The following ZNF471 variants were observed in gnomAD, a reference collection of about 807,000 sequenced individuals.
The protein encoded by ZNF471 is EZFIT-related protein 1.
A neutral mutation model predicts 13.7 loss-of-function variants in ZNF471; 7 were observed. That is an observed-to-expected ratio of 0.51 (90% CI 0.29 to 0.96). The LOEUF is 0.96. Ranked by LOEUF, ZNF471 falls within the 40% of genes least tolerant of loss-of-function variation. The pLI is 0.08. For synonymous variants in ZNF471, 218 were observed against 235.6 expected, an observed-to-expected ratio of 0.93 and a Z score of 0.68; for missense variants, 663 against 743.3, an observed-to-expected ratio of 0.89 and a Z score of 1.26.
In ZNF471 at chr19:56,521,126, G is replaced by A. The variant is rs117532965; in HGVS notation, c.256+2549G>A. ...ACAGTATGGGGGAAACTGCCCCCAT[G>A]ATTGAATTATCTCCACCTGGCCCCA... On this transcript the variant is annotated intron_variant, in intron 4 of 4. Coordinates refer to ENST00000308031, the MANE Select transcript of ZNF471 (RefSeq NM_020813.4). Among the ~76,000 whole-genome samples the A allele has an allele frequency of 9.2e-4, 140 of 152,242 alleles. 3 individuals are homozygous for A. The East Asian group carries it at 0.026, about 28-fold the overall frequency.
chr19:56,525,017 C>T lies in ZNF471; in HGVS notation c.950C>T (p.Pro317Leu). Residue 317 changes from proline to leucine, a missense_variant, in exon 5 of 5, where the codon CCC (proline) becomes CTC (leucine). Physicochemically the swap from Pro to Leu is moderately conservative, Grantham distance 98. Coordinates refer to ENST00000308031, the MANE Select transcript of ZNF471 (RefSeq NM_020813.4). ...CAGAGAATTCATACTGGAGAGAAAC[C>T]CTATGAATGTAAAGAATGTGGCAAA... Reference protein sequence around the residue: ...QHQRIHTGEKPYECKECGKAF... With the variant: ...QHQRIHTGEKLYECKECGKAF... 1.2e-6 allele frequency: 2 copies of T among 1,613,984 alleles called. No individual in the cohort carries two copies. The highest frequency in any genetic ancestry group is 1.7e-6 in the Non-Finnish European group (2 of 1,179,962).
chr19:56,518,511 T>C lies in ZNF471; in HGVS notation c.190T>C (p.Ser64Pro). Residue 64 changes from serine to proline, a missense_variant, in exon 4 of 5, where the codon TCC (serine) becomes CCC (proline). Ser to Pro is a moderately conservative substitution (Grantham distance 74). Transcript: ENST00000308031. ...GLCISKPYVI[S>P]LLEQGREPWE... ...TTGCATTTCTAAGCCATATGTGATC[T>C]CCTTATTGGAGCAAGGGAGAGAGCC... The C allele has an allele frequency of 6.2e-7, 1 of 1,613,712 alleles. No homozygotes were observed. Among genetic ancestry groups the C allele is most frequent in the Middle Eastern group, 1.7e-4 (1 of 6,060 alleles).
At position 56,508,047 on chromosome 19, in the gene ZNF471, C is replaced by G; in HGVS notation, c.-56+127C>G. The G allele has an allele frequency of 1.0e-6, 1 of 985,680 alleles. No individual in the cohort carries two copies. Among genetic ancestry groups the G allele is most frequent in the Non-Finnish European group, 1.2e-6 (1 of 830,020 alleles). 61.1% of individuals were successfully genotyped at this position (985,680 alleles called of 1,614,324 possible). ...CTCTGTCCCCAGGACGACTACATTT[C>G]CCAGAGGCCAGCGGGGCGCGCGTAC... On this transcript the variant is annotated intron_variant, in intron 1 of 4. Coordinates refer to ENST00000308031, the MANE Select transcript of ZNF471 (RefSeq NM_020813.4). This position sits in a 1 kb window ranked among gnomAD's most constrained non-coding sequence, Gnocchi z 4.7.
chr19:56,516,660 C>CT lies in ZNF471; in HGVS notation c.160+261dup, dbSNP rs1217926771. 1.3e-5 allele frequency among the ~76,000 whole-genome samples: 2 copies of CT among 152,166 alleles called. No individual in the cohort carries two copies. The highest frequency in any genetic ancestry group is 4.8e-5 in the African/African-American group (2 of 41,446). ...GAATCTCACCAGTCTCCTCAGTTTCCTTGTTCTCTCTCTCCTACAGAATTA... is the reference window on the plus strand; with the variant it reads ...GAATCTCACCAGTCTCCTCAGTTTCCTTTGTTCTCTCTCTCCTACAGAATTA... On this transcript the variant is annotated intron_variant, in intron 3 of 4. Transcript: ENST00000308031. The surrounding 1 kb of genome is among the most constrained non-coding windows in gnomAD (Gnocchi z 4.4).
chr19:56,514,151 T>C (rs1680005277), intron 2 of ZNF471, among the ~76,000 whole-genome samples: 1 of 146,868 alleles, frequency 6.8e-6, no homozygotes, highest in African/African-American at 2.5e-5. Context: ...ATAACCTGCC[T>C]CTCCAGTTCA....
intron 4 of ZNF471, among the ~76,000 whole-genome samples, chr19:56,520,050 A>G (rs2043948728): frequency 6.6e-6 from 1 of 152,148 alleles, no homozygotes; most frequent in African/African-American, 2.4e-5. Flanking sequence ...TCCACTGTGG[A>G]TAAGGAGGGA....
Position 56,511,567 on chromosome 19 carries a change from C to T in ZNF471, c.-5C>T. On this transcript the variant is annotated 5_prime_UTR_variant, in exon 2 of 5. Coordinates refer to ENST00000308031, the MANE Select transcript of ZNF471 (RefSeq NM_020813.4). Reference sequence around the variant, plus strand: ...TCAAGAGAAAGACCAGAAGAGAAGGCAAAAATGAATGTTGAAGTAGTAAAA... The same window carrying T: ...TCAAGAGAAAGACCAGAAGAGAAGGTAAAAATGAATGTTGAAGTAGTAAAA... 3 of 1,613,964 alleles carry T rather than the reference C, an allele frequency of 1.9e-6. No homozygotes were observed. Among genetic ancestry groups the T allele is most frequent in the Non-Finnish European group, 2.5e-6 (3 of 1,179,924 alleles).
At position 56,518,704 on chromosome 19, in the gene ZNF471, C is replaced by T. The variant is rs2043927847; in HGVS notation, c.256+127C>T. The T allele has an allele frequency of 7.3e-6, 5 of 685,472 alleles. No individual in the cohort carries two copies. The Admixed American group carries it at 1.2e-4, about 17-fold the overall frequency. The allele number at this position is 685,472 out of a possible 1,614,324, so 42.5% of individuals were successfully genotyped here. A position where few individuals can be genotyped will look rare whatever the true frequency, so the allele number is the denominator to read the frequency against. On this transcript the variant is annotated intron_variant, in intron 4 of 4. Coordinates refer to ENST00000308031, the MANE Select transcript of ZNF471 (RefSeq NM_020813.4). ...AAGCCTTACAGGCCTGGAGAGAAAA[C>T]TGAAACTTTATGCTTCACATGGGCC...
intron 4 of ZNF471, among the ~76,000 whole-genome samples, chr19:56,521,515 T>C (rs1293349260): frequency 6.6e-6 from 1 of 151,598 alleles, no homozygotes; most frequent in Admixed American, 6.6e-5. Flanking sequence ...GGCATGTGCC[T>C]GTAGTCCCAG....
Position 56,525,561 on chromosome 19 carries a change from C to T in ZNF471, c.1494C>T (p.Ile498=). The part of the protein sequence containing the change: ...ECKECGKAFR[I]SSQLATHQRI... ...AAGAATGTGGAAAAGCTTTTAGAAT[C>T]AGTTCACAGCTGGCTACTCATCAGA... The change falls in exon 5 of 5, where the codon ATC becomes ATT. Residue 498 remains isoleucine (I), a synonymous_variant. Transcript: ENST00000308031. The T allele has an allele frequency of 6.2e-7, 1 of 1,613,950 alleles. No homozygotes were observed. Among genetic ancestry groups the T allele is most frequent in the Non-Finnish European group, 8.5e-7 (1 of 1,179,962 alleles).
Position 56,516,406 on chromosome 19 carries a change from G to A in ZNF471, c.160+5G>A, listed in dbSNP as rs1455145974. On this transcript the variant is annotated splice_donor_5th_base_variant and intron_variant, in intron 3 of 4. Transcript: ENST00000308031. The surrounding 1 kb of genome is among the most constrained non-coding windows in gnomAD (Gnocchi z 4.4). ...ATCAGAGCCTGGTATCACTTGGTGAGGATCTTTTCCCTCCTGCATAATCTA... is the reference window on the plus strand; with the variant it reads ...ATCAGAGCCTGGTATCACTTGGTGAAGATCTTTTCCCTCCTGCATAATCTA... 6.2e-7 allele frequency: 1 copy of A among 1,610,126 alleles called. No individual in the cohort carries two copies. Among genetic ancestry groups the A allele is most frequent in the Admixed American group, 1.7e-5 (1 of 59,286 alleles).
In ZNF471 at chr19:56,511,351, GA is replaced by G. The variant is rs796825149; in HGVS notation, c.-55-155del. ...AGATTAAATTTAGGACCTCAAGCAT[GA>G]AAAAAAAAAACCGTTATGAGTTTTA... On this transcript the variant is annotated intron_variant, in intron 1 of 4. Coordinates refer to ENST00000308031, the MANE Select transcript of ZNF471 (RefSeq NM_020813.4). Among the ~76,000 whole-genome samples, 86 of 145,956 alleles carry G rather than the reference GA, an allele frequency of 5.9e-4. 1 individual carries two copies. Among genetic ancestry groups the G allele is most frequent in the Admixed American group, 1.6e-3 (24 of 14,674 alleles).
Position 56,510,451 on chromosome 19 carries a change from T to C in ZNF471, c.-55-1066T>C. The C allele has an allele frequency of 1.0e-6, 1 of 985,706 alleles. No individual in the cohort carries two copies. The highest frequency in any genetic ancestry group is 1.7e-5 in the African/African-American group (1 of 57,322). 61.1% of individuals were successfully genotyped at this position (985,706 alleles called of 1,614,324 possible). A position where few individuals can be genotyped will look rare whatever the true frequency, so the allele number is the denominator to read the frequency against. On this transcript the variant is annotated intron_variant, in intron 1 of 4. Coordinates refer to ENST00000308031, the MANE Select transcript of ZNF471 (RefSeq NM_020813.4). The surrounding 1 kb of genome is among the most constrained non-coding windows in gnomAD (Gnocchi z 4.3). ...CCTCTGTGAGGTTGTGAAGCATGCA[T>C]GTGTGAGTGAGACAGAGATAAGGGA...
intron 1 of ZNF471, chr19:56,511,073 G>C: frequency 1.0e-6 from 1 of 953,678 alleles, no homozygotes; most frequent in Non-Finnish European, 1.2e-6. Context: ...GCATTTGGGA[G>C]TCAGATTTTC....
chr19:56,518,435 A>G (rs774467597), intron 3 of ZNF471, 47 bp from the exon 4 acceptor site: 2 of 1,503,686 alleles, frequency 1.3e-6, no homozygotes, highest in Non-Finnish European at 9.1e-7. Context: ...TTAGTTCTGA[A>G]ATAACCCAAA....
Position 56,511,506 on chromosome 19 carries a change from C to T in ZNF471, c.-55-11C>T, listed in dbSNP as rs1024647863. ...TGGCCTCATCTCTCTCTAACCTTTCCCTTCCTTCAGCCTTGCCCTCCCAAG... is the reference window on the plus strand; with the variant it reads ...TGGCCTCATCTCTCTCTAACCTTTCTCTTCCTTCAGCCTTGCCCTCCCAAG... On this transcript the variant is annotated splice_polypyrimidine_tract_variant and intron_variant, in intron 1 of 4. Transcript: ENST00000308031. The T allele has an allele frequency of 3.2e-5, 52 of 1,606,332 alleles. No individual in the cohort carries two copies. In the Middle Eastern group the frequency reaches 6.6e-4, roughly 20 times the overall value.
intron 2 of ZNF471, among the ~76,000 whole-genome samples, chr19:56,515,198 G>GT (rs2043865477): frequency 6.6e-6 from 1 of 152,232 alleles, no homozygotes; most frequent in Middle Eastern, 3.4e-3. Flanking sequence ...ATCAAAAGCA[G>GT]TTTTTTCTGT....
chr19:56,510,356 G>A lies in ZNF471; in HGVS notation c.-55-1161G>A. On this transcript the variant is annotated intron_variant, in intron 1 of 4. Transcript: ENST00000308031. This position sits in a 1 kb window ranked among gnomAD's most constrained non-coding sequence, Gnocchi z 4.3. ...AAAGACTAGTGATGTGGTTGTGTGA[G>A]AGACCAAAATGGGTGAGAAAGAAAC... The A allele has an allele frequency of 1.2e-5, 12 of 985,544 alleles. No individual in the cohort carries two copies. Among genetic ancestry groups the A allele is most frequent in the Non-Finnish European group, 1.4e-5 (12 of 829,996 alleles). The allele number at this position is 985,544 out of a possible 1,614,324, so 61.0% of individuals were successfully genotyped here.
intron 2 of ZNF471, among the ~76,000 whole-genome samples, chr19:56,512,478 TTTACA>T (rs1209110207): frequency 1.3e-5 from 2 of 152,080 alleles, no homozygotes; most frequent in African/African-American, 4.8e-5. Context: ...TTACATTTAA[TTTACA>T]TTACATTTTT....
Sources: gnomAD v4.1 joint callset for allele counts (sites outside exome capture counted in the v4.1 genomes callset) on GRCh38, gnomAD v4.1.1 for gene constraint, Gnocchi (gnomAD v3.1) non-coding constraint, MANE v1.5 for transcripts, NCBI Gene and HGNC (gene_info 2026-07-23, HGNC 2026-07-21) for gene names.